The following FAM13B variants were observed in gnomAD, a reference collection of about 807,000 sequenced individuals.
The protein encoded by FAM13B is family with sequence similarity 13 member B, also known as protein FAM13B.
In FAM13B, 60 loss-of-function variants were observed where a neutral mutation model predicts 117.3. The ratio of observed to expected loss-of-function variants is 0.51; its 90% CI spans 0.42 to 0.63. The LOEUF (loss-of-function observed/expected upper bound fraction) is 0.63, where lower values mean the gene tolerates loss of function less well. Among genes scored for constraint, FAM13B ranks in the 30% least tolerant of loss-of-function variants. The pLI is 0.00. For synonymous variants in FAM13B, 332 were observed against 356.1 expected, an observed-to-expected ratio of 0.93 and a Z score of 0.76; for missense variants, 972 against 1,091.9, an observed-to-expected ratio of 0.89 and a Z score of 1.55.
rs749462301 is a variant in FAM13B at position 137,945,897 on chromosome 5, C to T, written c.2340+5G>A. On this transcript the variant is annotated splice_donor_5th_base_variant and intron_variant, in intron 20 of 23. Transcript: ENST00000689681. ...AACCAGAGAATTATTGCTTATTTTACTTACAAGGACAGGAGTGATGCTAGC... is the reference window on the plus strand; with the variant it reads ...AACCAGAGAATTATTGCTTATTTTATTTACAAGGACAGGAGTGATGCTAGC... 1.9e-6 allele frequency: 3 copies of T among 1,597,406 alleles called. No homozygotes were observed. Among genetic ancestry groups the T allele is most frequent in the East Asian group, 2.2e-5 (1 of 44,658 alleles).
At chr5:138,018,843 CTA>C in intron 3 of FAM13B, 110 bp downstream of exon 3, 1 of 804,376 alleles carries the variant, frequency 1.2e-6, no homozygotes, top group East Asian at 2.7e-5. Context: ...CTAGTTTTTC[CTA>C]TGTTTTGGAC....
chr5:137,969,529 T>C (rs1252790185), intron 10 of FAM13B, among the ~76,000 whole-genome samples: 2 of 152,090 alleles, frequency 1.3e-5, no homozygotes, highest in Non-Finnish European at 1.5e-5. Context: ...GCAGAAAAAC[T>C]GGAAACTCTA....
intron 5 of FAM13B, 42 bp downstream of exon 5, chr5:138,011,726 C>A (rs370538854): frequency 2.7e-6 from 4 of 1,495,572 alleles, no homozygotes; most frequent in Non-Finnish European, 3.6e-6. Flanking sequence ...CCTCACATAT[C>A]TAATTTTTAA....
intron 7 of FAM13B, among the ~76,000 whole-genome samples, chr5:138,000,834 G>A (rs1013162840): frequency 1.3e-5 from 2 of 151,730 alleles, no homozygotes; most frequent in Non-Finnish European, 2.9e-5. Flanking sequence ...GGGTGGCTGA[G>A]GCGCAATAAT....
chr5:137,991,387 T>C (rs985971351), intron 7 of FAM13B, among the ~76,000 whole-genome samples: 6 of 152,220 alleles, frequency 3.9e-5, no homozygotes, highest in South Asian at 4.1e-4. Flanking sequence ...CATTTAATAA[T>C]GTGTTTTTAT....
chr5:137,949,675 C>T (rs1405593605), intron 17 of FAM13B, among the ~76,000 whole-genome samples: 1 of 152,090 alleles, frequency 6.6e-6, no homozygotes, highest in Non-Finnish European at 1.5e-5. Flanking sequence ...TGGCACACAC[C>T]TGTAATCCCA....
intron 4 of FAM13B, 136 bp from the exon 5 acceptor site, chr5:138,012,081 G>T: frequency 1.7e-6 from 1 of 584,422 alleles, no homozygotes; most frequent in Non-Finnish European, 2.9e-6. Flanking sequence ...CTCTACTGGG[G>T]CCAAATGCCT....
chr5:138,011,802 A>G lies in FAM13B; in HGVS notation c.514T>C (p.Ser172Pro), dbSNP rs1249461282. Residue 172 changes from serine (S) to proline (P), a missense_variant, in exon 5 of 24, where the codon TCT (serine) becomes CCT (proline). By Grantham distance (74) the Ser-to-Pro change is moderately conservative. Coordinates refer to ENST00000689681, the MANE Select transcript of FAM13B (RefSeq NM_001385994.1). ...TCTGGACCAAAGACAGCAGCCAAAGAATTTGCGGACCAAATTTCTTCATGA... is the reference window on the plus strand; with the variant it reads ...TCTGGACCAAAGACAGCAGCCAAAGGATTTGCGGACCAAATTTCTTCATGA... ...SHHEEIWSAN[S>P]LAAVFGPDVF... 6.2e-7 allele frequency: 1 copy of G among 1,611,850 alleles called. No individual in the cohort carries two copies. Among genetic ancestry groups the G allele is most frequent in the Non-Finnish European group, 8.5e-7 (1 of 1,179,366 alleles).
At chr5:138,004,443 T>C (rs763865772) in intron 7 of FAM13B, among the ~76,000 whole-genome samples, 5 of 152,210 alleles carry the variant, frequency 3.3e-5, no homozygotes, top group Non-Finnish European at 5.9e-5. Flanking sequence ...TGAATTCACT[T>C]GTCTAAATCA....
chr5:138,019,274 C>G, intron 2 of FAM13B, 128 bp from the exon 3 acceptor site: 1 of 750,036 alleles, frequency 1.3e-6, no homozygotes, highest in East Asian at 2.8e-5. Flanking sequence ...AGTTAGCAGG[C>G]CCATAGTGTG....
chr5:138,014,291 G>A lies in FAM13B; in HGVS notation c.371-2346C>T, dbSNP rs140462623. On this transcript the variant is annotated intron_variant, in intron 4 of 23. Coordinates refer to ENST00000689681, the MANE Select transcript of FAM13B (RefSeq NM_001385994.1). ...TTCAGTGCTGAGTTCTCAGTATCTG[G>A]AGCAAGGGTCCCCAGCCGGGGCTGC... 3.5e-3 allele frequency among the ~76,000 whole-genome samples: 528 copies of A among 152,292 alleles called. 4 individuals are homozygous for A. The highest frequency in any genetic ancestry group is 0.012 in the African/African-American group (506 of 41,568).
intron 8 of FAM13B, 71 bp downstream of exon 8, chr5:137,988,203 T>TA: frequency 8.4e-7 from 1 of 1,184,302 alleles, no homozygotes; most frequent in Non-Finnish European, 1.2e-6. Context: ...ACAAGTACAT[T>TA]ATTTTCATTT....
intron 10 of FAM13B, among the ~76,000 whole-genome samples, chr5:137,968,734 G>A (rs1215655937): frequency 7.9e-5 from 12 of 152,322 alleles, no homozygotes; most frequent in South Asian, 2.1e-4. Flanking sequence ...GACAGTGGGC[G>A]CAGGTCAGTG....
chr5:137,977,611 G>A (rs1198049108), intron 10 of FAM13B, among the ~76,000 whole-genome samples: 1 of 152,168 alleles, frequency 6.6e-6, no homozygotes, highest in Non-Finnish European at 1.5e-5. Context: ...ATCGGGAGCA[G>A]GTTCCCTGAT....
At chr5:137,972,999 GGAA>G (rs921864768) in intron 10 of FAM13B, among the ~76,000 whole-genome samples, 5 of 151,942 alleles carry the variant, frequency 3.3e-5, no homozygotes, top group Admixed American at 2.6e-4. Flanking sequence ...CTCATGGGTA[GGAA>G]GAATCGATAT....
At chr5:138,014,001 A>G (rs1022445653) in intron 4 of FAM13B, among the ~76,000 whole-genome samples, 6 of 152,088 alleles carry the variant, frequency 3.9e-5, no homozygotes, top group Non-Finnish European at 7.4e-5. Flanking sequence ...TGGCATGATC[A>G]CTGAGGCCCA....
At chr5:138,004,336 T>C (rs1343704468) in intron 7 of FAM13B, among the ~76,000 whole-genome samples, 1 of 139,376 alleles carries the variant, frequency 7.2e-6, no homozygotes, top group Non-Finnish European at 1.6e-5. Context: ...GAGGATCCTC[T>C]ACAAAACCAG....
At chr5:137,965,958 CT>C (rs889382797) in intron 10 of FAM13B, among the ~76,000 whole-genome samples, 202 of 146,880 alleles carry the variant, frequency 1.4e-3, no homozygotes, top group Non-Finnish European at 2.2e-3. Flanking sequence ...ACTTCATACA[CT>C]TTTTTTTTTC....
chr5:138,033,732 C>G (rs536733579), upstream of FAM13B: 187 of 152,428 alleles, frequency 1.2e-3, no homozygotes, highest in African/African-American at 4.5e-3. Flanking sequence ...TCTGAACTTG[C>G]ATGGCTACCC....
Sources: gnomAD v4.1 joint callset for allele counts (sites outside exome capture counted in the v4.1 genomes callset) on GRCh38, gnomAD v4.1.1 for gene constraint, MANE v1.5 for transcripts, NCBI Gene and HGNC (gene_info 2026-07-23, HGNC 2026-07-21) for gene names.